Variants in EPHA6 observed in about 807,000 individuals in gnomAD.
The protein encoded by EPHA6 is ephrin type-A receptor 6.
A neutral mutation model predicts 112.0 loss-of-function variants in EPHA6; 50 were observed. The ratio of observed to expected loss-of-function variants is 0.45; its 90% CI spans 0.36 to 0.56. The LOEUF is 0.56. EPHA6 is among the 20% of genes least tolerant of loss of function. EPHA6 has a pLI of 0.00. For synonymous variants in EPHA6, 529 were observed against 490.7 expected (o/e 1.08, Z -1.03); for missense variants, 1,280 against 1,417.4 (o/e 0.90, Z 1.56).
intron 3 of EPHA6, among the ~76,000 whole-genome samples, chr3:97,016,733 A>T (rs2044279142): frequency 3.9e-5 from 6 of 152,182 alleles, no homozygotes; most frequent in Admixed American, 3.9e-4. Context: ...CCCTTAGTAC[A>T]GCCAATAACT....
At chr3:97,563,848 T>G (rs999393156) in intron 11 of EPHA6, among the ~76,000 whole-genome samples, 3 of 152,198 alleles carry the variant, frequency 2.0e-5, no homozygotes, top group African/African-American at 7.2e-5. Flanking sequence ...AAATAATGTT[T>G]ATTTAAGCCA....
chr3:97,327,663 A>C (rs1311921639), intron 5 of EPHA6, among the ~76,000 whole-genome samples: 1 of 151,842 alleles, frequency 6.6e-6, no homozygotes, highest in African/African-American at 2.4e-5. Context: ...CAAACATTAA[A>C]TTCTCTTCCA....
intron 2 of EPHA6, among the ~76,000 whole-genome samples, chr3:96,938,043 A>T (rs1469898750): frequency 6.6e-6 from 1 of 152,054 alleles, no homozygotes. Flanking sequence ...AGGTAGTGTG[A>T]TGCCTCCAGC....
intron 5 of EPHA6, among the ~76,000 whole-genome samples, chr3:97,390,658 A>G (rs986936264): frequency 6.6e-6 from 1 of 152,072 alleles, no homozygotes; most frequent in Non-Finnish European, 1.5e-5. Flanking sequence ...TATACAGAAA[A>G]CATTATGTAG....
chr3:97,408,264 A>C (rs2087489105), intron 6 of EPHA6, among the ~76,000 whole-genome samples: 1 of 151,974 alleles, frequency 6.6e-6, no homozygotes, highest in Non-Finnish European at 1.5e-5. Context: ...TTTCAAAATG[A>C]GGCCGGGCAC....
At chr3:97,661,805 A>G (rs111786243) in intron 14 of EPHA6, among the ~76,000 whole-genome samples, 9 of 152,284 alleles carry the variant, frequency 5.9e-5, no homozygotes, top group South Asian at 2.1e-4. Context: ...GTGCTTACAC[A>G]AATGTATACA....
At chr3:96,934,089 T>A (rs963317687) in intron 2 of EPHA6, among the ~76,000 whole-genome samples, 1 of 152,002 alleles carries the variant, frequency 6.6e-6, no homozygotes, top group Non-Finnish European at 1.5e-5. Flanking sequence ...TGTTAATAGC[T>A]TCATTTTAAA....
chr3:97,668,045 T>C (rs756357252), intron 14 of EPHA6, among the ~76,000 whole-genome samples: 13 of 151,920 alleles, frequency 8.6e-5, no homozygotes, highest in Non-Finnish European at 1.5e-4. Context: ...TCAATTTGTG[T>C]TATTTTATAT....
intron 3 of EPHA6, among the ~76,000 whole-genome samples, chr3:97,170,935 A>C (rs948504795): frequency 4.6e-5 from 7 of 152,168 alleles, no homozygotes; most frequent in African/African-American, 2.4e-5. Flanking sequence ...TTGTAAGCCA[A>C]AAGTGTATTT....
intron 5 of EPHA6, among the ~76,000 whole-genome samples, chr3:97,280,685 A>C (rs934707630): frequency 6.6e-6 from 1 of 152,214 alleles, no homozygotes; most frequent in Non-Finnish European, 1.5e-5. Context: ...ACATTTTTAA[A>C]ACTATTTTCA....
At chr3:97,227,955 T>C (rs1409394268) in intron 4 of EPHA6, among the ~76,000 whole-genome samples, 1 of 152,238 alleles carries the variant, frequency 6.6e-6, no homozygotes, top group East Asian at 1.9e-4. Context: ...CAGCATCAGA[T>C]AGTTGATATC....
intron 14 of EPHA6, among the ~76,000 whole-genome samples, chr3:97,719,075 T>C (rs2034384994): frequency 3.2e-5 from 1 of 30,964 alleles, no homozygotes; most frequent in Non-Finnish European, 5.8e-5. Flanking sequence ...ATGAATCCGT[T>C]CCCGCCCCCC....
At chr3:97,691,151 G>C (rs1010231011) in intron 14 of EPHA6, among the ~76,000 whole-genome samples, 2 of 152,072 alleles carry the variant, frequency 1.3e-5, no homozygotes, top group Non-Finnish European at 2.9e-5. Context: ...TTCTTCTATT[G>C]CATATGGATA....
chr3:97,602,796 G>C (rs1257656930), intron 12 of EPHA6, among the ~76,000 whole-genome samples: 1 of 151,950 alleles, frequency 6.6e-6, no homozygotes, highest in African/African-American at 2.4e-5. Flanking sequence ...TATACAAACA[G>C]ATTTTAAAGA....
chr3:96,856,425 G>GA (rs889235513), intron 1 of EPHA6, among the ~76,000 whole-genome samples: 35 of 151,446 alleles, frequency 2.3e-4, no homozygotes, highest in Non-Finnish European at 4.1e-4. Flanking sequence ...AGAAACCTTG[G>GA]AAAAAAAATA....
intron 5 of EPHA6, among the ~76,000 whole-genome samples, chr3:97,303,915 C>CCTTGAGCAGTGATTTATAGCT (rs2081201858): frequency 6.6e-6 from 1 of 151,990 alleles, no homozygotes; most frequent in South Asian, 2.1e-4. Context: ...TCTCTTATTT[C>CCTTGAGCAGTGATTTATAGCT]CTTGAGCAGT....
At chr3:96,830,397 G>A (rs2033987452) in intron 1 of EPHA6, among the ~76,000 whole-genome samples, 1 of 152,104 alleles carries the variant, frequency 6.6e-6, no homozygotes, top group Non-Finnish European at 1.5e-5. Flanking sequence ...TTTCAACTGT[G>A]TATATTAATT....
intron 3 of EPHA6, among the ~76,000 whole-genome samples, chr3:96,992,192 G>A (rs184758937): frequency 7.2e-4 from 109 of 152,248 alleles, no homozygotes; most frequent in Admixed American, 1.2e-3. Context: ...TCACAGGCAG[G>A]ATTATTGCCA....
chr3:97,458,398 T>G (rs967873191), intron 7 of EPHA6, among the ~76,000 whole-genome samples: 6 of 152,170 alleles, frequency 3.9e-5, no homozygotes, highest in Non-Finnish European at 7.4e-5. Flanking sequence ...GCACTATAGT[T>G]TTTTTAAATT....
Sources: gnomAD v4.1 joint callset for allele counts (sites outside exome capture counted in the v4.1 genomes callset) on GRCh38, gnomAD v4.1.1 for gene constraint, MANE v1.5 for transcripts, NCBI Gene and HGNC (gene_info 2026-07-23, HGNC 2026-07-21) for gene names.